SLC8A1: variants seen among roughly 807,000 people sequenced by gnomAD.
SLC8A1 encodes the protein solute carrier family 8 member A1, also known as sodium/calcium exchanger 1.
SLC8A1 carries 18 observed loss-of-function variants against 68.3 expected under a neutral mutation model. That is an observed-to-expected ratio of 0.26 (90% CI 0.18 to 0.39). SLC8A1 has a LOEUF of 0.39. Among genes scored for constraint, SLC8A1 ranks in the 10% least tolerant of loss-of-function variants. The probability of loss-of-function intolerance (pLI) is 1.00; values close to 1 mark genes in which losing one functional copy is unlikely to be tolerated. For missense variants in SLC8A1, 985 were observed against 1,156.7 expected (o/e 0.85, Z 2.15); for synonymous variants, 475 against 415.5 (o/e 1.14, Z -1.74).
At chr2:40,421,288 A>C (rs897980036) in intron 2 of SLC8A1, among the ~76,000 whole-genome samples, 2 of 152,152 alleles carry the variant, frequency 1.3e-5, no homozygotes, top group African/African-American at 4.8e-5. Context: ...CAGGTGAGAA[A>C]GTTGACTCAG....
chr2:40,272,532 C>A (rs1205831064), intron 2 of SLC8A1, among the ~76,000 whole-genome samples: 1 of 152,194 alleles, frequency 6.6e-6, no homozygotes, highest in East Asian at 1.9e-4. Flanking sequence ...CCATAGGGGG[C>A]TAACACTGCA....
chr2:40,491,396 G>C (rs1705308786), intron 1 of SLC8A1, among the ~76,000 whole-genome samples: 1 of 152,000 alleles, frequency 6.6e-6, no homozygotes, highest in African/African-American at 2.4e-5. Flanking sequence ...TGAGACAATG[G>C]GGTTTTCTAG....
chr2:40,133,294 T>A (rs546579185), intron 7 of SLC8A1, among the ~76,000 whole-genome samples: 2 of 151,976 alleles, frequency 1.3e-5, no homozygotes, highest in Non-Finnish European at 2.9e-5. Flanking sequence ...GTTCTTTCTA[T>A]GGAATTCAGA....
upstream of SLC8A1, among the ~76,000 whole-genome samples, chr2:40,452,424 G>C (rs74816753): frequency 7.3e-3 from 1,115 of 152,230 alleles, 24 homozygotes; most frequent in South Asian, 0.087. Flanking sequence ...CCCGCAGTGC[G>C]TTGTGGCCGC....
intron 7 of SLC8A1, among the ~76,000 whole-genome samples, chr2:40,134,097 GT>G (rs11314046): frequency 0.012 from 417 of 36,016 alleles, 1 homozygote; most frequent in African/African-American, 0.027. Context: ...GTTTGTTTGT[GT>G]TTTTTTTTTT....
intron 1 of SLC8A1, among the ~76,000 whole-genome samples, chr2:40,510,705 CTT>C (rs1706668553): frequency 6.6e-6 from 1 of 152,044 alleles, no homozygotes; most frequent in Non-Finnish European, 1.5e-5. Flanking sequence ...CTCTCTCTCT[CTT>C]TCTAACTCTC....
intron 2 of SLC8A1, among the ~76,000 whole-genome samples, chr2:40,274,064 G>A (rs192011366): frequency 6.6e-6 from 1 of 151,268 alleles, no homozygotes; most frequent in East Asian, 1.9e-4. Context: ...ATCGAGCACT[G>A]CTTTTAGATC....
chr2:40,397,207 T>C (rs1025459380), intron 2 of SLC8A1, among the ~76,000 whole-genome samples: 1 of 152,200 alleles, frequency 6.6e-6, no homozygotes, highest in African/African-American at 2.4e-5. Flanking sequence ...CACCCCTTCC[T>C]TTTCTCTCTT....
At chr2:40,499,852 G>C (rs1705939211) in intron 1 of SLC8A1, among the ~76,000 whole-genome samples, 2 of 152,064 alleles carry the variant, frequency 1.3e-5, no homozygotes, top group African/African-American at 2.4e-5. Context: ...CCAAGTCCTT[G>C]CTGGAGGATA....
chr2:40,280,705 T>C (rs767873543), intron 2 of SLC8A1, among the ~76,000 whole-genome samples: 1 of 152,062 alleles, frequency 6.6e-6, no homozygotes, highest in Non-Finnish European at 1.5e-5. Flanking sequence ...CAGATATAAA[T>C]ACAGAAATGA....
intron 2 of SLC8A1, among the ~76,000 whole-genome samples, chr2:40,402,998 A>T (rs1689206587): frequency 6.6e-6 from 1 of 152,232 alleles, no homozygotes; most frequent in Non-Finnish European, 1.5e-5. Context: ...TCCCCTAATT[A>T]GACATTTGTG....
At chr2:40,401,730 A>G (rs1297053249) in intron 2 of SLC8A1, among the ~76,000 whole-genome samples, 2 of 151,960 alleles carry the variant, frequency 1.3e-5, no homozygotes, top group African/African-American at 2.4e-5. Flanking sequence ...ACTGAATACT[A>G]TATCCCAAGT....
chr2:40,259,775 T>A (rs1222715762), intron 2 of SLC8A1, among the ~76,000 whole-genome samples: 1 of 152,214 alleles, frequency 6.6e-6, no homozygotes, highest in African/African-American at 2.4e-5. Context: ...AACAATAGTC[T>A]TTTTACTCAA....
At chr2:40,456,716 C>T (rs375182983), upstream of SLC8A1, among the ~76,000 whole-genome samples, 44 of 152,140 alleles carry the variant, frequency 2.9e-4, no homozygotes, top group African/African-American at 5.3e-4. Context: ...GCTCAGCAAA[C>T]GATATTGCTG....
intron 6 of SLC8A1, among the ~76,000 whole-genome samples, chr2:40,153,866 C>T (rs1159262879): frequency 6.6e-6 from 1 of 152,216 alleles, no homozygotes; most frequent in Non-Finnish European, 1.5e-5. Context: ...CCTGGTCCTT[C>T]TGCACTTCTG....
chr2:40,414,740 A>C (rs1189196275), intron 2 of SLC8A1, among the ~76,000 whole-genome samples: 1 of 152,172 alleles, frequency 6.6e-6, no homozygotes, highest in Non-Finnish European at 1.5e-5. Context: ...CCATACATTT[A>C]TGATAGGTCA....
At chr2:40,179,851 G>T (rs1394367226) in intron 2 of SLC8A1, among the ~76,000 whole-genome samples, 1 of 152,122 alleles carries the variant, frequency 6.6e-6, no homozygotes, top group Non-Finnish European at 1.5e-5. Flanking sequence ...GAATTTCCCA[G>T]CGCCTAATGC....
At chr2:40,133,018 T>C (rs2039703218) in intron 7 of SLC8A1, among the ~76,000 whole-genome samples, 1 of 152,212 alleles carries the variant, frequency 6.6e-6, no homozygotes, top group East Asian at 1.9e-4. Context: ...TTTATACCAA[T>C]TTTCAGTTGA....
chr2:40,160,818 A>T, exon 6 of SLC8A1: 1 of 1,613,300 alleles, frequency 6.2e-7, no homozygotes. Flanking sequence ...GTTAGTCCCA[A>T]CCACAAGGGC....
Sources: gnomAD v4.1 joint callset for allele counts (sites outside exome capture counted in the v4.1 genomes callset) on GRCh38, gnomAD v4.1.1 for gene constraint, MANE v1.5 for transcripts, NCBI Gene and HGNC (gene_info 2026-07-23, HGNC 2026-07-21) for gene names.